DOCK2: variants seen among roughly 807,000 people sequenced by gnomAD.
DOCK2 encodes the protein dedicator of cytokinesis protein 2.
A neutral mutation model predicts 248.9 loss-of-function variants in DOCK2; 87 were observed. The ratio of observed to expected loss-of-function variants is 0.35; its 90% CI spans 0.29 to 0.42. The LOEUF is 0.42. DOCK2 is among the 10% of genes least tolerant of loss of function. DOCK2 has a pLI of 1.00. For missense variants in DOCK2, 1,747 were observed against 2,300.2 expected (o/e 0.76, Z 4.92); for synonymous variants, 805 against 821.6 (o/e 0.98, Z 0.35).
intron 25 of DOCK2, among the ~76,000 whole-genome samples, chr5:169,761,839 G>T (rs1441901654): frequency 6.6e-6 from 1 of 152,162 alleles, no homozygotes; most frequent in Non-Finnish European, 1.5e-5. Context: ...AGGTTGCATT[G>T]TTTATTTCTC....
chr5:169,966,761 C>T (rs941976544), intron 27 of DOCK2, among the ~76,000 whole-genome samples: 7 of 152,120 alleles, frequency 4.6e-5, no homozygotes, highest in Non-Finnish European at 8.8e-5. Flanking sequence ...AAAATGAGGC[C>T]GGAAAGAATG....
chr5:169,747,356 C>T, intron 22 of DOCK2, 40 bp from the exon 23 acceptor site: 1 of 1,567,616 alleles, frequency 6.4e-7, no homozygotes, highest in Non-Finnish European at 8.7e-7. Context: ...AAAGTATTGT[C>T]TGTTAGCTTG....
At chr5:169,733,369 T>C (rs915035209) in intron 22 of DOCK2, among the ~76,000 whole-genome samples, 1 of 151,884 alleles carries the variant, frequency 6.6e-6, no homozygotes, top group Non-Finnish European at 1.5e-5. Flanking sequence ...GCTAGAATTA[T>C]GCAGCATTTT....
At chr5:169,824,625 A>G (rs1479960436) in intron 26 of DOCK2, among the ~76,000 whole-genome samples, 2 of 152,262 alleles carry the variant, frequency 1.3e-5, no homozygotes, top group African/African-American at 4.8e-5. Flanking sequence ...AATTAATTCA[A>G]GATGGTTTGA....
At chr5:170,044,176 A>G (rs1377358315) in intron 38 of DOCK2, among the ~76,000 whole-genome samples, 1 of 152,146 alleles carries the variant, frequency 6.6e-6, no homozygotes, top group Admixed American at 6.5e-5. Context: ...CCATAAGTTC[A>G]TCTTGCCATC....
intron 25 of DOCK2, among the ~76,000 whole-genome samples, chr5:169,786,732 C>T (rs1032880382): frequency 6.6e-6 from 1 of 152,076 alleles, no homozygotes; most frequent in Non-Finnish European, 1.5e-5. Flanking sequence ...TTGACTTTTT[C>T]AAGACTTACT....
At chr5:170,046,684 C>T (rs987330628) in intron 39 of DOCK2, among the ~76,000 whole-genome samples, 48 of 152,268 alleles carry the variant, frequency 3.2e-4, no homozygotes, top group African/African-American at 1.1e-3. Flanking sequence ...CACACATGTG[C>T]TTGCACCAAG....
At chr5:169,667,210 G>C (rs1472611787) in intron 2 of DOCK2, among the ~76,000 whole-genome samples, 2 of 152,124 alleles carry the variant, frequency 1.3e-5, no homozygotes, top group Admixed American at 1.3e-4. Flanking sequence ...CCATCATGTG[G>C]GTTCAAGTCA....
intron 43 of DOCK2, 109 bp from the exon 44 acceptor site, chr5:170,057,471 T>C: frequency 1.2e-6 from 1 of 864,966 alleles, no homozygotes; most frequent in Non-Finnish European, 1.9e-6. Flanking sequence ...TTCGGGTAGA[T>C]GGGAGGCCCG....
At chr5:169,666,766 G>C (rs1379181459) in intron 2 of DOCK2, among the ~76,000 whole-genome samples, 1 of 152,208 alleles carries the variant, frequency 6.6e-6, no homozygotes, top group African/African-American at 2.4e-5. Context: ...TAAAGAATGT[G>C]TTGGAATTTC....
intron 26 of DOCK2, among the ~76,000 whole-genome samples, chr5:169,814,818 A>G (rs1226527593): frequency 1.3e-5 from 2 of 152,204 alleles, no homozygotes; most frequent in Non-Finnish European, 2.9e-5. Context: ...CATAGAAATT[A>G]GTGTAAAAAC....
intron 25 of DOCK2, among the ~76,000 whole-genome samples, chr5:169,765,210 C>A (rs1293388158): frequency 6.6e-6 from 1 of 152,072 alleles, no homozygotes; most frequent in Non-Finnish European, 1.5e-5. Flanking sequence ...GTCTTAATTT[C>A]TGCATCTGTA....
chr5:169,874,740 CCAAT>C (rs1468513884), intron 27 of DOCK2, among the ~76,000 whole-genome samples: 6 of 152,054 alleles, frequency 3.9e-5, no homozygotes, highest in East Asian at 1.9e-4. Context: ...GCCTGGATTG[CCAAT>C]CAGTTTCTGA....
chr5:169,711,528 A>G (rs1334433839), intron 15 of DOCK2, among the ~76,000 whole-genome samples: 1 of 152,216 alleles, frequency 6.6e-6, no homozygotes, highest in Non-Finnish European at 1.5e-5. Context: ...CAAACCCCCT[A>G]ACAACCATTG....
chr5:169,754,543 AC>A (rs1764086637), intron 23 of DOCK2, among the ~76,000 whole-genome samples: 1 of 152,216 alleles, frequency 6.6e-6, no homozygotes. Flanking sequence ...GAAGAACTGC[AC>A]TTTATTTTCA....
At chr5:169,662,014 T>C (rs1029263965) in intron 2 of DOCK2, among the ~76,000 whole-genome samples, 3 of 152,228 alleles carry the variant, frequency 2.0e-5, no homozygotes, top group African/African-American at 7.2e-5. Flanking sequence ...CTAGTTCTAT[T>C]TTTAATTTCT....
At chr5:170,047,672 C>G in intron 40 of DOCK2, 58 bp downstream of exon 40, 1 of 1,483,470 alleles carries the variant, frequency 6.7e-7, no homozygotes, top group Non-Finnish European at 9.4e-7. Flanking sequence ...GGCATCTCAG[C>G]GGTCCTTCTA....
chr5:169,704,451 AG>A (rs34992489), intron 14 of DOCK2, among the ~76,000 whole-genome samples: 21,229 of 152,088 alleles, frequency 0.14, 1,770 homozygotes, highest in Middle Eastern at 0.19. Context: ...CTTGCTCAGG[AG>A]GGGTCATAGC....
At chr5:169,733,992 A>C (rs1490994537) in intron 22 of DOCK2, among the ~76,000 whole-genome samples, 2 of 152,042 alleles carry the variant, frequency 1.3e-5, no homozygotes, top group Non-Finnish European at 2.9e-5. Flanking sequence ...CATATATTTT[A>C]TTATCTCTCT....
Sources: gnomAD v4.1 joint callset for allele counts (sites outside exome capture counted in the v4.1 genomes callset) on GRCh38, gnomAD v4.1.1 for gene constraint, MANE v1.5 for transcripts, NCBI Gene and HGNC (gene_info 2026-07-23, HGNC 2026-07-21) for gene names.